PCCB: variants seen among roughly 807,000 people sequenced by gnomAD.
PCCB encodes propionyl-CoA carboxylase subunit beta, also known as propionyl-CoA carboxylase beta chain, mitochondrial.
A neutral mutation model predicts 60.7 loss-of-function variants in PCCB; 43 were observed. That is an observed-to-expected ratio of 0.71 (90% CI 0.55 to 0.91). PCCB has a LOEUF of 0.91. PCCB is among the 40% of genes least tolerant of loss of function. The probability of loss-of-function intolerance (pLI) is 0.00; values close to 1 mark genes in which losing one functional copy is unlikely to be tolerated. For synonymous variants in PCCB, 276 were observed against 255.9 expected, an observed-to-expected ratio of 1.08 and a Z score of -0.75; for missense variants, 766 against 702.8, an observed-to-expected ratio of 1.09 and a Z score of -1.02.
intron 10 of PCCB, among the ~76,000 whole-genome samples, chr3:136,319,342 A>G (rs1172671285): frequency 3.3e-5 from 5 of 149,566 alleles, no homozygotes; most frequent in South Asian, 2.1e-4. Context: ...CTTCTGTTCT[A>G]TAGGTTGTCC....
intron 5 of PCCB, among the ~76,000 whole-genome samples, chr3:136,277,373 T>A (rs536583941): frequency 2.0e-5 from 3 of 152,274 alleles, no homozygotes; most frequent in Admixed American, 2.0e-4. Flanking sequence ...AGGTAGCGTT[T>A]ACAAAAGGGC....
At chr3:136,271,042 G>A (rs1029090286) in intron 5 of PCCB, among the ~76,000 whole-genome samples, 4 of 152,160 alleles carry the variant, frequency 2.6e-5, no homozygotes, top group Admixed American at 2.0e-4. Flanking sequence ...TTTGTCAGGT[G>A]CATAGTTTGC....
At chr3:136,313,758 C>T (rs953914073) in intron 9 of PCCB, among the ~76,000 whole-genome samples, 1 of 151,946 alleles carries the variant, frequency 6.6e-6, no homozygotes, top group African/African-American at 2.4e-5. Flanking sequence ...ATCTAAAGAC[C>T]AAAATAGCTG....
At chr3:136,257,702 T>C (rs1941709359) in intron 3 of PCCB, among the ~76,000 whole-genome samples, 1 of 152,154 alleles carries the variant, frequency 6.6e-6, no homozygotes, top group Non-Finnish European at 1.5e-5. Flanking sequence ...TTTGGGAGGC[T>C]GAGATGGGTG....
intron 3 of PCCB, 72 bp from the exon 4 acceptor site, chr3:136,260,407 T>G: frequency 7.8e-7 from 1 of 1,280,028 alleles, no homozygotes; most frequent in Admixed American, 1.9e-5. Flanking sequence ...ATTTTCTATT[T>G]CTTCCTCCCA....
chr3:136,291,332 A>G (rs1933678965), intron 6 of PCCB, among the ~76,000 whole-genome samples: 1 of 152,184 alleles, frequency 6.6e-6, no homozygotes, highest in African/African-American at 2.4e-5. Context: ...TTTCTGCTAC[A>G]TCTGATTCCA....
intron 5 of PCCB, among the ~76,000 whole-genome samples, chr3:136,275,586 T>A (rs1271788297): frequency 6.6e-6 from 1 of 152,120 alleles, no homozygotes; most frequent in Non-Finnish European, 1.5e-5. Flanking sequence ...GAATTTATTT[T>A]TGATTTGGCT....
intron 7 of PCCB, among the ~76,000 whole-genome samples, chr3:136,295,382 A>T (rs992799817): frequency 6.6e-6 from 1 of 152,182 alleles, no homozygotes; most frequent in African/African-American, 2.4e-5. Flanking sequence ...CACCCACAAA[A>T]ATTGTTTCTC....
intron 9 of PCCB, among the ~76,000 whole-genome samples, chr3:136,314,678 AAAAAC>A (rs149121062): frequency 5.6e-4 from 84 of 151,086 alleles, no homozygotes; most frequent in Non-Finnish European, 3.5e-4. Context: ...ACAAAAACAA[AAAAAC>A]AAAACAAAAA....
Position 136,303,344 on chromosome 3 carries a change from A to G in PCCB, c.966+2233A>G, listed in dbSNP as rs1429087612. Among the ~76,000 whole-genome samples, 2 of 121,794 alleles carry G rather than the reference A, an allele frequency of 1.6e-5. 1 individual carries two copies. The highest frequency in any genetic ancestry group is 3.6e-5 in the Non-Finnish European group (2 of 54,826). The allele number at this position is 121,794 out of a possible 152,430, so 79.9% of individuals were successfully genotyped here. On this transcript the variant is annotated intron_variant, in intron 9 of 14. Coordinates refer to ENST00000251654, the MANE Select transcript of PCCB (RefSeq NM_000532.5). ...GTTTATTTTGTTCTTAAAGTTAGGAATGAGTGTTGAATATTGTTGAATGCA... is the reference window on the plus strand; with the variant it reads ...GTTTATTTTGTTCTTAAAGTTAGGAGTGAGTGTTGAATATTGTTGAATGCA...
intron 5 of PCCB, among the ~76,000 whole-genome samples, chr3:136,281,233 TCTG>T (rs1251264835): frequency 6.6e-6 from 1 of 152,160 alleles, no homozygotes; most frequent in Non-Finnish European, 1.5e-5. Context: ...TTTCTGTTCT[TCTG>T]AGATTCCTAT....
At chr3:136,316,831 T>C (rs1934913664) in intron 9 of PCCB, 110 bp from the exon 10 acceptor site, 2 of 1,257,152 alleles carry the variant, frequency 1.6e-6, no homozygotes, top group Admixed American at 1.7e-5. Context: ...GAGCTGGAGC[T>C]GTCTACCTCT....
At chr3:136,272,832 T>C (rs1019755558) in intron 5 of PCCB, among the ~76,000 whole-genome samples, 3 of 152,184 alleles carry the variant, frequency 2.0e-5, no homozygotes, top group Non-Finnish European at 4.4e-5. Flanking sequence ...TTAGTTCTGC[T>C]CTGATCTTTG....
intron 10 of PCCB, chr3:136,326,355 G>A: frequency 1.4e-6 from 1 of 702,880 alleles, no homozygotes; most frequent in South Asian, 1.5e-5. Context: ...TTGGAACTAT[G>A]CTAGGAGGCA....
chr3:136,287,911 G>A, intron 6 of PCCB, among the ~76,000 whole-genome samples: 1 of 152,140 alleles, frequency 6.6e-6, no homozygotes, highest in Non-Finnish European at 1.5e-5. Context: ...GGCAATCTTA[G>A]GTCATAGGAT....
intron 14 of PCCB, among the ~76,000 whole-genome samples, chr3:136,329,519 T>C (rs891685082): frequency 2.6e-5 from 4 of 152,142 alleles, no homozygotes; most frequent in African/African-American, 7.2e-5. Context: ...ATCCACCTCT[T>C]GAAGAGAGAA....
intron 1 of PCCB, chr3:136,251,120 T>C: frequency 2.3e-6 from 1 of 433,600 alleles, no homozygotes; most frequent in South Asian, 1.6e-5. Flanking sequence ...ATGCCTCGCC[T>C]TGATGGGTAG....
chr3:136,293,228 C>T (rs1576334395), intron 6 of PCCB, among the ~76,000 whole-genome samples: 1 of 152,174 alleles, frequency 6.6e-6, no homozygotes, highest in East Asian at 1.9e-4. Context: ...GTCTTGAACT[C>T]CTGGCCTGAA....
At chr3:136,295,917 A>C (rs184515452) in intron 7 of PCCB, among the ~76,000 whole-genome samples, 1 of 151,908 alleles carries the variant, frequency 6.6e-6, no homozygotes, top group East Asian at 1.9e-4. Context: ...CACAATCTCA[A>C]GTACGTTTTG....
Sources: allele counts gnomAD v4.1 joint callset (sites outside exome capture counted in the v4.1 genomes callset), GRCh38; gene constraint gnomAD v4.1.1; transcripts MANE v1.5; gene names NCBI Gene and HGNC (gene_info 2026-07-23, HGNC 2026-07-21).